Variants in PIWIL1 observed in about 807,000 individuals in gnomAD.
The protein encoded by PIWIL1 is piwi-like protein 1.
In PIWIL1, 73 loss-of-function variants were observed where a neutral mutation model predicts 114.4. That is an observed-to-expected ratio of 0.64 (90% CI 0.53 to 0.78). The LOEUF (loss-of-function observed/expected upper bound fraction) is 0.78, where lower values mean the gene tolerates loss of function less well. Among genes scored for constraint, PIWIL1 ranks in the 30% least tolerant of loss-of-function variants. PIWIL1 has a pLI of 0.00. For synonymous variants in PIWIL1, 375 were observed against 369.0 expected, an observed-to-expected ratio of 1.02 and a Z score of -0.19; for missense variants, 723 against 1,063.1, an observed-to-expected ratio of 0.68 and a Z score of 4.45.
chr12:130,414,841 G>C, the PIWIL1 span: 32,901 of 152,818 alleles, frequency 0.22, 4,111 homozygotes, highest in Middle Eastern at 0.35. Flanking sequence ...TTCCAAAAGT[G>C]GTTCTTTTGG....
the PIWIL1 span, among the ~76,000 whole-genome samples, chr12:130,385,635 A>C: frequency 6.6e-6 from 1 of 152,218 alleles, no homozygotes; most frequent in African/African-American, 2.4e-5. Flanking sequence ...GGGCAGTTGC[A>C]TGCACATTCA....
chr12:130,371,784 A>G lies in PIWIL1; in HGVS notation c.*186A>G, dbSNP rs1044370572. On this transcript the variant is annotated 3_prime_UTR_variant, in exon 21 of 21. Coordinates refer to ENST00000245255, the MANE Select transcript of PIWIL1 (RefSeq NM_004764.5). ...CCTTATTTTATACGTAAAAATTAAG[A>G]TTTTATATTTTATCTTCTTGTTTCT... 5 of 369,692 alleles carry G rather than the reference A, an allele frequency of 1.4e-5. No individual in the cohort carries two copies. The highest frequency in any genetic ancestry group is 1.1e-4 in the African/African-American group (5 of 47,484). 22.9% of individuals were successfully genotyped at this position (369,692 alleles called of 1,614,324 possible).
chr12:130,378,017 A>G, the PIWIL1 span, among the ~76,000 whole-genome samples: 3 of 152,164 alleles, frequency 2.0e-5, no homozygotes, highest in African/African-American at 7.2e-5. Context: ...AATCAACTGT[A>G]CTGAGGTCTA....
At chr12:130,343,765 A>G (rs560546409) in intron 3 of PIWIL1, among the ~76,000 whole-genome samples, 1 of 151,780 alleles carries the variant, frequency 6.6e-6, no homozygotes, top group South Asian at 2.1e-4. Flanking sequence ...AGCTGGGACT[A>G]CAGGCGCCCA....
the PIWIL1 span, chr12:130,414,194 C>T: frequency 2.8e-5 from 46 of 1,614,118 alleles, no homozygotes; most frequent in African/African-American, 3.7e-4. Flanking sequence ...ACATGGTGAG[C>T]GGGTCGTAGT....
chr12:130,367,816 T>C (rs903459904), intron 19 of PIWIL1, among the ~76,000 whole-genome samples: 9 of 152,164 alleles, frequency 5.9e-5, no homozygotes, highest in African/African-American at 9.7e-5. Flanking sequence ...GGCTCCTTTT[T>C]TGGGACAGAG....
the PIWIL1 span, among the ~76,000 whole-genome samples, chr12:130,413,556 C>T: frequency 2.6e-4 from 38 of 144,252 alleles, no homozygotes; most frequent in Non-Finnish European, 3.9e-4. Context: ...TCACTTGAAC[C>T]TGGGAAACAG....
intron 18 of PIWIL1, 101 bp from the exon 19 acceptor site, chr12:130,367,032 G>A: frequency 7.5e-7 from 1 of 1,332,956 alleles, no homozygotes; most frequent in Non-Finnish European, 1.1e-6. Context: ...GCCCCAGGAG[G>A]GATGTGTTCC....
intron 9 of PIWIL1, among the ~76,000 whole-genome samples, chr12:130,352,780 C>T (rs1219766919): frequency 1.3e-5 from 2 of 152,102 alleles, no homozygotes; most frequent in Non-Finnish European, 2.9e-5. Flanking sequence ...GCCCTTAAGG[C>T]CTTGGGTGAA....
At chr12:130,383,722 A>G in the PIWIL1 span, 1 of 152,154 alleles carries the variant, frequency 6.6e-6, no homozygotes, top group Admixed American at 6.5e-5. Flanking sequence ...TGGTTTTCAA[A>G]TTTTACGTAA....
intron 5 of PIWIL1, 62 bp from the exon 6 acceptor site, chr12:130,346,879 T>C (rs1264708613): frequency 1.3e-6 from 2 of 1,571,164 alleles, no homozygotes; most frequent in Non-Finnish European, 1.7e-6. Context: ...AAGCAGTATG[T>C]GATTGGGCAT....
the PIWIL1 span, among the ~76,000 whole-genome samples, chr12:130,400,302 T>C: frequency 6.6e-6 from 1 of 152,190 alleles, no homozygotes; most frequent in Non-Finnish European, 1.5e-5. Context: ...CTGTCCTCCC[T>C]CTTACTCATG....
the PIWIL1 span, among the ~76,000 whole-genome samples, chr12:130,405,811 C>T: frequency 6.6e-6 from 1 of 151,952 alleles, no homozygotes; most frequent in Non-Finnish European, 1.5e-5. Context: ...TCTTCCTTTT[C>T]CTAAAATTTA....
the PIWIL1 span, among the ~76,000 whole-genome samples, chr12:130,402,099 A>G: frequency 6.6e-6 from 1 of 152,212 alleles, no homozygotes; most frequent in East Asian, 1.9e-4. Context: ...CAGAACGCAC[A>G]TGTACCATGT....
chr12:130,424,150 C>A, the PIWIL1 span: 1 of 1,231,534 alleles, frequency 8.1e-7, no homozygotes, highest in Non-Finnish European at 1.0e-6. This position sits in a 1 kb window ranked among gnomAD's most constrained non-coding sequence, Gnocchi z 9.8. Context: ...ACCAGGGGGC[C>A]TTGTGCGACT....
At chr12:130,366,383 G>C (rs980703770) in intron 18 of PIWIL1, 2 of 152,558 alleles carry the variant, frequency 1.3e-5, no homozygotes, top group Non-Finnish European at 2.9e-5. Flanking sequence ...CAGAGGGAGG[G>C]CAGAAGGGCC....
rs776006020 is a variant in PIWIL1, at chr12:130,361,205, G to A, written c.1691G>A (p.Arg564Gln). ...QIVVCLLSSN[R>Q]KDKYDAIKKY... is the part of the protein sequence containing the mutation. ...GTTGTCTGTCTGTTGTCAAGTAATC[G>A]GAAGGACAAATACGATGCTATTAAA... Residue 564 changes from arginine (R) to glutamine (Q), a missense_variant, in exon 15 of 21, where the codon CGG becomes CAG. This residue lies in a region of PIWIL1 where 298 missense variants were observed against 420.8 expected (regional missense o/e 0.71). Coordinates refer to ENST00000245255, the MANE Select transcript of PIWIL1 (RefSeq NM_004764.5). 4 of 1,614,082 alleles carry A rather than the reference G, an allele frequency of 2.5e-6. No homozygotes were observed. The highest frequency in any genetic ancestry group is 2.2e-5 in the East Asian group (1 of 44,876).
At chr12:130,346,296 T>A in intron 4 of PIWIL1, 74 bp from the exon 5 acceptor site, 1 of 1,168,806 alleles carries the variant, frequency 8.6e-7, no homozygotes. Context: ...TGTGCCTGCC[T>A]TGTCATGGTA....
the PIWIL1 span, among the ~76,000 whole-genome samples, chr12:130,413,385 T>A: frequency 1.1e-4 from 17 of 152,200 alleles, no homozygotes; most frequent in South Asian, 3.5e-3. Flanking sequence ...ATCCCAGCAC[T>A]TTGGGAGGCC....
Sources: gnomAD v4.1 joint callset for allele counts (sites outside exome capture counted in the v4.1 genomes callset) on GRCh38, gnomAD v4.1.1 for gene constraint, gnomAD v4.1.1 regional missense constraint, Gnocchi (gnomAD v3.1) non-coding constraint, MANE v1.5 for transcripts, NCBI Gene and HGNC (gene_info 2026-07-23, HGNC 2026-07-21) for gene names.